Variants in EFCAB5 observed in about 807,000 individuals in gnomAD.
The protein encoded by EFCAB5 is EF-hand calcium-binding domain-containing protein 5.
A neutral mutation model predicts 167.9 loss-of-function variants in EFCAB5; 131 were observed. The ratio of observed to expected loss-of-function variants is 0.78; its 90% CI spans 0.68 to 0.90. The LOEUF is 0.90. Among genes scored for constraint, EFCAB5 ranks in the 40% least tolerant of loss-of-function variants. The pLI, the probability that EFCAB5 is intolerant of heterozygous loss-of-function variation, is 0.00. For missense variants in EFCAB5, 1,663 were observed against 1,745.2 expected (o/e 0.95, Z 0.84); for synonymous variants, 574 against 602.8 (o/e 0.95, Z 0.70).
At chr17:29,943,727 A>G (rs1329833356) in intron 3 of EFCAB5, 78 bp downstream of exon 3, 1 of 1,324,394 alleles carries the variant, frequency 7.6e-7, no homozygotes, top group African/African-American at 1.5e-5. Flanking sequence ...TAATTCCAGC[A>G]CTTTGGGAGG....
At chr17:30,069,284 G>A in intron 14 of EFCAB5, 1 of 1,492,162 alleles carries the variant, frequency 6.7e-7, no homozygotes, top group African/African-American at 1.4e-5. Flanking sequence ...AACATGGGGA[G>A]ATGGCAAAGG....
intron 14 of EFCAB5, among the ~76,000 whole-genome samples, chr17:30,071,035 T>A (rs2070723831): frequency 6.7e-6 from 1 of 148,274 alleles, no homozygotes; most frequent in Admixed American, 6.7e-5. Flanking sequence ...ATGAAACTAC[T>A]GAAGAAAACA....
At chr17:30,002,881 G>A (rs868709256) in intron 7 of EFCAB5, among the ~76,000 whole-genome samples, 1 of 152,054 alleles carries the variant, frequency 6.6e-6, no homozygotes, top group African/African-American at 2.4e-5. Flanking sequence ...CCTTGAAAAT[G>A]TTCTCTCATT....
intron 8 of EFCAB5, among the ~76,000 whole-genome samples, chr17:30,049,062 C>A (rs1405635614): frequency 6.6e-6 from 1 of 151,984 alleles, no homozygotes; most frequent in Non-Finnish European, 1.5e-5. Context: ...GTATTGACAT[C>A]ACAGAACAGG....
intron 3 of EFCAB5, among the ~76,000 whole-genome samples, chr17:29,952,732 A>G (rs1426676622): frequency 6.6e-6 from 1 of 152,178 alleles, no homozygotes; most frequent in Non-Finnish European, 1.5e-5. Context: ...AAGTGCATGG[A>G]AATGATAAAC....
At chr17:30,076,627 C>G (rs976756902) in intron 14 of EFCAB5, among the ~76,000 whole-genome samples, 1 of 152,164 alleles carries the variant, frequency 6.6e-6, no homozygotes, top group Admixed American at 6.5e-5. Context: ...GAAATCACAA[C>G]GGAAGTCTTC....
At chr17:29,933,049 AT>A (rs2067215321) in intron 1 of EFCAB5, among the ~76,000 whole-genome samples, 1 of 152,228 alleles carries the variant, frequency 6.6e-6, no homozygotes, top group African/African-American at 2.4e-5. Context: ...TTGAATGTGT[AT>A]CATATACTAG....
chr17:29,955,783 T>A (rs2067602896), intron 3 of EFCAB5, among the ~76,000 whole-genome samples: 1 of 140,230 alleles, frequency 7.1e-6, no homozygotes, highest in African/African-American at 2.7e-5. Context: ...AAACTACCAA[T>A]GACATTCTTC....
chr17:29,997,841 C>T (rs1397923575), intron 6 of EFCAB5, among the ~76,000 whole-genome samples: 1 of 151,932 alleles, frequency 6.6e-6, no homozygotes, highest in Non-Finnish European at 1.5e-5. Flanking sequence ...CCACCATGCT[C>T]CCTGGGAGGA....
In EFCAB5 at chr17:29,941,755, A is replaced by G. The variant is rs760355973; in HGVS notation, c.-42A>G. 1.3e-6 allele frequency: 2 copies of G among 1,529,404 alleles called. No homozygotes were observed. Among genetic ancestry groups the G allele is most frequent in the Admixed American group, 3.7e-5 (2 of 53,758 alleles). 94.7% of individuals were successfully genotyped at this position (1,529,404 alleles called of 1,614,324 possible). A position where few individuals can be genotyped will look rare whatever the true frequency, so the allele number is the denominator to read the frequency against. On this transcript the variant is annotated 5_prime_UTR_variant, in exon 1 of 23. Transcript: ENST00000394835. ...TTTTTGTTATTAATACTGGTCTAGT[A>G]ATATTCTTCTATACCATTTGGTGAT...
At chr17:29,940,703 A>G (rs2067286334), upstream of EFCAB5, among the ~76,000 whole-genome samples, 1 of 152,188 alleles carries the variant, frequency 6.6e-6, no homozygotes, top group African/African-American at 2.4e-5. Context: ...CAAAGGCAGT[A>G]CTTTTGGTTT....
At chr17:30,089,414 C>T (rs1597560229) in intron 19 of EFCAB5, among the ~76,000 whole-genome samples, 3 of 151,964 alleles carry the variant, frequency 2.0e-5, no homozygotes, top group Admixed American at 2.0e-4. Flanking sequence ...ACTATAAATG[C>T]GCTTTTCGAG....
chr17:30,061,444 G>T (rs916790316), intron 14 of EFCAB5, among the ~76,000 whole-genome samples: 1 of 152,190 alleles, frequency 6.6e-6, no homozygotes, highest in Non-Finnish European at 1.5e-5. Context: ...CTTTGTCCAA[G>T]ATTTAAAATT....
intron 1 of EFCAB5, 63 bp from the exon 2 acceptor site, chr17:29,942,177 G>T (rs2067307798): frequency 7.4e-7 from 1 of 1,354,088 alleles, no homozygotes; most frequent in South Asian, 1.4e-5. Flanking sequence ...ATTAAAGTAT[G>T]AGACAGTAGT....
At chr17:30,098,724 C>A (rs182891901) in intron 22 of EFCAB5, among the ~76,000 whole-genome samples, 5 of 152,218 alleles carry the variant, frequency 3.3e-5, no homozygotes, top group Admixed American at 3.3e-4. Context: ...GAATATATAT[C>A]CCAGATTGTG....
intron 4 of EFCAB5, among the ~76,000 whole-genome samples, chr17:29,991,168 C>A (rs1160167835): frequency 6.6e-6 from 1 of 152,170 alleles, no homozygotes; most frequent in Admixed American, 6.5e-5. Flanking sequence ...TAAGAGTACT[C>A]GGGTGTCCTC....
rs1193558323 is a variant in EFCAB5 at position 30,096,677 on chromosome 17, A to ATATATATTT, written c.4321+3742_4321+3743insATATATTTT. ...CATATATATATATATATATATATAT[A>ATATATATTT]TTTTTTTTTTTTTTTTTTTTGAGAT... On this transcript the variant is annotated intron_variant, in intron 22 of 22. Coordinates refer to ENST00000394835, the MANE Select transcript of EFCAB5 (RefSeq NM_198529.4). Among the ~76,000 whole-genome samples, 154 of 60,116 alleles carry ATATATATTT rather than the reference A, an allele frequency of 2.6e-3. 3 individuals are homozygous for ATATATATTT. Among genetic ancestry groups the ATATATATTT allele is most frequent in the African/African-American group, 0.012 (145 of 11,894 alleles). The allele number at this position is 60,116 out of a possible 152,430, so 39.4% of individuals were successfully genotyped here. A position where few individuals can be genotyped will look rare whatever the true frequency, so the allele number is the denominator to read the frequency against.
chr17:30,006,954 G>C (rs1366901048), intron 7 of EFCAB5, among the ~76,000 whole-genome samples: 1 of 152,156 alleles, frequency 6.6e-6, no homozygotes, highest in Non-Finnish European at 1.5e-5. Context: ...ACTGCGCCCA[G>C]CTGAATGAGA....
intron 4 of EFCAB5, among the ~76,000 whole-genome samples, chr17:29,992,132 C>T (rs550677384): frequency 1.3e-5 from 2 of 152,226 alleles, no homozygotes; most frequent in East Asian, 1.9e-4. Flanking sequence ...ATCATATCTC[C>T]ATTTCCCCCA....
Sources: gnomAD v4.1 joint callset for allele counts (sites outside exome capture counted in the v4.1 genomes callset) on GRCh38, gnomAD v4.1.1 for gene constraint, MANE v1.5 for transcripts, NCBI Gene and HGNC (gene_info 2026-07-23, HGNC 2026-07-21) for gene names.